The following HSF5 variants were observed in gnomAD, a reference collection of about 807,000 sequenced individuals.
HSF5 encodes the protein heat shock factor protein 5.
A neutral mutation model predicts 50.8 loss-of-function variants in HSF5; 5 were observed. The observed-to-expected ratio is 0.10, with a 90% CI of 0.05 to 0.21. The LOEUF (loss-of-function observed/expected upper bound fraction) is 0.21, where lower values mean the gene tolerates loss of function less well. Among genes scored for constraint, HSF5 ranks in the 10% least tolerant of loss-of-function variants. The pLI is 1.00. For missense variants in HSF5, 564 were observed against 762.6 expected (o/e 0.74, Z 3.07); for synonymous variants, 307 against 307.4 (o/e 1.00, Z 0.02).
chr17:58,423,725 C>T (rs1239487205), intron 5 of HSF5, among the ~76,000 whole-genome samples: 1 of 151,808 alleles, frequency 6.6e-6, no homozygotes, highest in Admixed American at 6.6e-5. Context: ...GTGATCTGCC[C>T]GCCTCAGCCT....
chr17:58,431,202 T>C (rs1974360553), intron 5 of HSF5, among the ~76,000 whole-genome samples: 1 of 152,254 alleles, frequency 6.6e-6, no homozygotes, highest in African/African-American at 2.4e-5. Context: ...TGTAAGTCTA[T>C]TAAACCTCTT....
chr17:58,478,445 C>A (rs1284874551), intron 2 of HSF5, among the ~76,000 whole-genome samples: 3 of 144,060 alleles, frequency 2.1e-5, no homozygotes, highest in African/African-American at 7.7e-5. Flanking sequence ...CTACTGCATT[C>A]CAGCCTGGCA....
At chr17:58,466,733 C>CT (rs985711635) in intron 3 of HSF5, 152 bp downstream of exon 3, 17,354 of 458,660 alleles carry the variant, frequency 0.038, no homozygotes, top group East Asian at 0.049. Context: ...TCAATTCTCT[C>CT]TTTTTTTTTT....
At chr17:58,487,582 G>T in intron 1 of HSF5, 143 bp downstream of exon 1, 1 of 1,271,828 alleles carries the variant, frequency 7.9e-7, no homozygotes, top group Non-Finnish European at 9.9e-7. Flanking sequence ...CGCCAGTCTC[G>T]GGAAGCACAG....
chr17:58,430,806 C>A (rs1475834998), intron 5 of HSF5, among the ~76,000 whole-genome samples: 1 of 152,140 alleles, frequency 6.6e-6, no homozygotes, highest in Non-Finnish European at 1.5e-5. Flanking sequence ...TCTTATATGT[C>A]TATATACAGT....
chr17:58,469,163 A>C (rs2531731), intron 2 of HSF5, among the ~76,000 whole-genome samples: 129,376 of 151,468 alleles, frequency 0.85, 55,636 homozygotes, highest in East Asian at 1. Context: ...AGCCACCCAG[A>C]AGTAGAGAAA....
intron 2 of HSF5, among the ~76,000 whole-genome samples, chr17:58,469,595 T>C (rs1974918675): frequency 1.3e-5 from 2 of 152,160 alleles, no homozygotes; most frequent in Admixed American, 1.3e-4. Context: ...ATTAGTAAGT[T>C]TACTGAATAT....
chr17:58,436,865 A>G (rs1333347924), intron 5 of HSF5, among the ~76,000 whole-genome samples: 3 of 152,144 alleles, frequency 2.0e-5, no homozygotes, highest in African/African-American at 7.2e-5. Context: ...CAGAAAGCAG[A>G]GAAACGAAGG....
chr17:58,432,216 T>A (rs1974373899), intron 5 of HSF5, among the ~76,000 whole-genome samples: 2 of 151,980 alleles, frequency 1.3e-5, no homozygotes, highest in South Asian at 4.2e-4. Flanking sequence ...ACAGGTAATA[T>A]TCTAGGTCCT....
chr17:58,476,394 T>C (rs1975012410), intron 2 of HSF5: 2 of 1,014,500 alleles, frequency 2.0e-6, no homozygotes, highest in South Asian at 1.3e-5. Flanking sequence ...AGCTCCCTGG[T>C]TCCTCATGCT....
At chr17:58,464,082 TA>T (rs11358661) in intron 3 of HSF5, among the ~76,000 whole-genome samples, 33,645 of 152,162 alleles carry the variant, frequency 0.22, 4,024 homozygotes, top group South Asian at 0.34. Flanking sequence ...ATTATAAACT[TA>T]AAATACAGAA....
At chr17:58,472,272 G>A (rs1350754635) in intron 2 of HSF5, among the ~76,000 whole-genome samples, 1 of 152,154 alleles carries the variant, frequency 6.6e-6, no homozygotes, top group Non-Finnish European at 1.5e-5. Flanking sequence ...CTTCAGACCA[G>A]TCTGGACAAC....
chr17:58,442,905 T>G (rs1200668891), intron 5 of HSF5, among the ~76,000 whole-genome samples: 1 of 147,170 alleles, frequency 6.8e-6, no homozygotes, highest in Non-Finnish European at 1.5e-5. Flanking sequence ...ACCCAGCTAA[T>G]TTTTGCATTT....
At chr17:58,480,385 G>A in intron 1 of HSF5, 118 bp from the exon 2 acceptor site, 3 of 914,166 alleles carry the variant, frequency 3.3e-6, no homozygotes, top group Non-Finnish European at 4.6e-6. Flanking sequence ...CACAACAGAA[G>A]TTTAGGTTTG....
At chr17:58,486,780 C>T (rs1270063183) in intron 1 of HSF5, among the ~76,000 whole-genome samples, 2 of 152,128 alleles carry the variant, frequency 1.3e-5, no homozygotes, top group African/African-American at 4.8e-5. Flanking sequence ...CGTAGCACTT[C>T]TAAGATTTCT....
chr17:58,464,913 G>T (rs1016601149), intron 3 of HSF5, among the ~76,000 whole-genome samples: 1 of 151,506 alleles, frequency 6.6e-6, no homozygotes, highest in Non-Finnish European at 1.5e-5. Flanking sequence ...TGGGATTACA[G>T]GCGTGAGCCA....
chr17:58,471,166 T>C (rs536622415), intron 2 of HSF5, among the ~76,000 whole-genome samples: 2 of 152,292 alleles, frequency 1.3e-5, no homozygotes, highest in Admixed American at 6.5e-5. Context: ...GTACTTAATG[T>C]TGCAAAACAG....
Position 58,422,325 on chromosome 17 carries a change from A to G in HSF5, c.*35T>C, listed in dbSNP as rs763849846. 3 of 1,487,112 alleles carry G rather than the reference A, an allele frequency of 2.0e-6. No individual in the cohort carries two copies. In the Admixed American group the frequency reaches 5.1e-5, roughly 25 times the overall value. 92.1% of individuals were successfully genotyped at this position (1,487,112 alleles called of 1,614,324 possible). On this transcript the variant is annotated 3_prime_UTR_variant, in exon 6 of 6. Transcript: ENST00000323777. ...GCAAGGCTAGTCTGCCTCCAGCTACAGCTAGTGCACAATGTCACATTTGTC... is the reference window on the plus strand; with the variant it reads ...GCAAGGCTAGTCTGCCTCCAGCTACGGCTAGTGCACAATGTCACATTTGTC...
intron 5 of HSF5, among the ~76,000 whole-genome samples, chr17:58,455,926 G>T (rs188787702): frequency 3.3e-5 from 5 of 152,122 alleles, no homozygotes; most frequent in East Asian, 1.9e-4. Flanking sequence ...CAGTATGAAG[G>T]TTCTTAAAAA....
Sources: gnomAD v4.1 joint callset for allele counts (sites outside exome capture counted in the v4.1 genomes callset) on GRCh38, gnomAD v4.1.1 for gene constraint, MANE v1.5 for transcripts, NCBI Gene and HGNC (gene_info 2026-07-23, HGNC 2026-07-21) for gene names.